Variants in SHTN1 observed in about 807,000 individuals in gnomAD.
The protein encoded by SHTN1 is shootin-1.
In SHTN1, 42 loss-of-function variants were observed where a neutral mutation model predicts 83.1. The observed-to-expected ratio is 0.51, with a 90% CI of 0.39 to 0.65. The LOEUF (loss-of-function observed/expected upper bound fraction) is 0.65, where lower values mean the gene tolerates loss of function less well. Ranked by LOEUF, SHTN1 falls within the 30% of genes least tolerant of loss-of-function variation. SHTN1 has a pLI of 0.00. For synonymous variants in SHTN1, 224 were observed against 247.7 expected (o/e 0.90, Z 0.90); for missense variants, 622 against 737.8 (o/e 0.84, Z 1.82).
At chr10:116,965,456 G>A (rs1206453742) in intron 3 of SHTN1, among the ~76,000 whole-genome samples, 5 of 152,190 alleles carry the variant, frequency 3.3e-5, no homozygotes, top group African/African-American at 4.8e-5. Context: ...GGCGGAGGTC[G>A]CAGCGAGCAG....
chr10:117,083,731 GTTTCT>G (rs2133614048), intron 1 of SHTN1, among the ~76,000 whole-genome samples: 1 of 151,902 alleles, frequency 6.6e-6, no homozygotes, highest in African/African-American at 2.4e-5. Flanking sequence ...GGCTTTGCTC[GTTTCT>G]TTTTATTCTT....
chr10:116,982,711 T>C (rs1851069869), intron 1 of SHTN1, among the ~76,000 whole-genome samples: 1 of 152,086 alleles, frequency 6.6e-6, no homozygotes, highest in Non-Finnish European at 1.5e-5. Context: ...AATCCCAACA[T>C]GTTGGGAGGC....
chr10:116,980,876 A>G (rs577023325), intron 1 of SHTN1, among the ~76,000 whole-genome samples: 6 of 152,330 alleles, frequency 3.9e-5, no homozygotes, highest in South Asian at 2.1e-4. Context: ...ATGAGATTAT[A>G]TCACCAATGT....
intron 1 of SHTN1, among the ~76,000 whole-genome samples, chr10:117,067,352 A>G (rs1455927941): frequency 6.6e-6 from 1 of 152,204 alleles, no homozygotes; most frequent in Non-Finnish European, 1.5e-5. Context: ...GCACTTTGGG[A>G]GGCTAAAGCA....
intron 2 of SHTN1, among the ~76,000 whole-genome samples, chr10:117,034,242 T>C (rs1448593728): frequency 6.6e-6 from 1 of 152,184 alleles, no homozygotes; most frequent in Non-Finnish European, 1.5e-5. Context: ...AGAAGTCAAA[T>C]TGTCCTTGTT....
intron 4 of SHTN1, among the ~76,000 whole-genome samples, chr10:116,956,326 A>G (rs373629851): frequency 1.8e-4 from 27 of 152,330 alleles, no homozygotes; most frequent in Middle Eastern, 3.4e-3. Flanking sequence ...TTTAGTATAC[A>G]ACCCAGCTCT....
intron 2 of SHTN1, among the ~76,000 whole-genome samples, chr10:117,037,147 T>C (rs1852509581): frequency 6.6e-6 from 1 of 152,136 alleles, no homozygotes; most frequent in South Asian, 2.1e-4. Flanking sequence ...TTTAAGACAA[T>C]ATCATTTATA....
chr10:116,951,959 C>A lies in SHTN1; in HGVS notation c.484G>T (p.Ala162Ser), dbSNP rs753870238. Residue 162 changes from alanine (A) to serine (S), a missense_variant, in exon 6 of 17, where the codon GCC becomes TCC. Transcript: ENST00000355371. ...VSVQEEKKIL[A>S]IELENLKSKL... ...CTCTTGAGATTTTCCAGCTCAATGG[C>A]TAAAATCTTCTTTTCCTCCTGAACA... 1.3e-6 allele frequency: 2 copies of A among 1,599,934 alleles called. No homozygotes were observed. The highest frequency in any genetic ancestry group is 2.3e-5 in the South Asian group (2 of 88,202).
In SHTN1 at chr10:117,090,797, G is replaced by A. The variant is rs1045363359; in HGVS notation, c.-189+35510C>T. ...AGGAAGGAAGGAAGGAAGGAAGGAA[G>A]GAAGGAAGGAAGGAAGGAAGGAAAG... On this transcript the variant is annotated intron_variant, in intron 1 of 17. Transcript: ENST00000392901. Among the ~76,000 whole-genome samples, 13 of 115,782 alleles carry A rather than the reference G, an allele frequency of 1.1e-4. No homozygotes were observed. In the East Asian group the frequency reaches 1.2e-3, roughly 11 times the overall value. 76.0% of individuals were successfully genotyped at this position (115,782 alleles called of 152,430 possible). A position where few individuals can be genotyped will look rare whatever the true frequency, so the allele number is the denominator to read the frequency against.
chr10:117,098,268 A>G (rs1412306966), intron 1 of SHTN1, among the ~76,000 whole-genome samples: 4 of 150,396 alleles, frequency 2.7e-5, no homozygotes, highest in Non-Finnish European at 5.9e-5. Context: ...GTAGTGGTGG[A>G]CGCCTGTTGT....
At chr10:117,047,027 C>A (rs1852673240) in intron 2 of SHTN1, among the ~76,000 whole-genome samples, 1 of 151,724 alleles carries the variant, frequency 6.6e-6, no homozygotes, top group South Asian at 2.1e-4. Flanking sequence ...AATGAAAAAA[C>A]AAAAGAGTGA....
intron 1 of SHTN1, among the ~76,000 whole-genome samples, chr10:117,000,802 C>T (rs957064066): frequency 1.3e-5 from 2 of 152,254 alleles, no homozygotes; most frequent in South Asian, 2.1e-4. Context: ...ATGAGATTGG[C>T]CAAACTAGGC....
chr10:117,096,245 A>C (rs1470452864), intron 1 of SHTN1, among the ~76,000 whole-genome samples: 1 of 152,260 alleles, frequency 6.6e-6, no homozygotes, highest in Non-Finnish European at 1.5e-5. Flanking sequence ...TCTCAACTGA[A>C]GGGTTAAAAA....
chr10:116,900,358 A>G (rs1352641065), intron 16 of SHTN1: 1 of 611,060 alleles, frequency 1.6e-6, no homozygotes, highest in Non-Finnish European at 2.9e-6. Flanking sequence ...CCTTTATGGC[A>G]TCTAACAACT....
intron 2 of SHTN1, among the ~76,000 whole-genome samples, chr10:117,015,274 C>G (rs887775251): frequency 1.3e-5 from 2 of 152,158 alleles, no homozygotes; most frequent in African/African-American, 4.8e-5. Flanking sequence ...CTGCTGACAG[C>G]TGAAGGCTTT....
chr10:116,986,715 CCTTTT>C (rs1407005363), intron 1 of SHTN1, among the ~76,000 whole-genome samples: 6 of 115,978 alleles, frequency 5.2e-5, no homozygotes, highest in African/African-American at 1.5e-4. Flanking sequence ...AACCCAGTAT[CCTTTT>C]TTTTTTTTTT....
intron 1 of SHTN1, among the ~76,000 whole-genome samples, chr10:117,087,313 A>C (rs74458575): frequency 0.024 from 3,687 of 152,368 alleles, 135 homozygotes; most frequent in African/African-American, 0.079. Flanking sequence ...TTTAAAATGC[A>C]TAAGGAAAGG....
At chr10:117,049,261 G>C (rs1387079188) in intron 1 of SHTN1, among the ~76,000 whole-genome samples, 2 of 152,078 alleles carry the variant, frequency 1.3e-5, no homozygotes, top group Non-Finnish European at 2.9e-5. Flanking sequence ...AACTGGAATA[G>C]CCTGTAGAGT....
intron 1 of SHTN1, among the ~76,000 whole-genome samples, chr10:117,071,348 C>T (rs558284468): frequency 5.9e-5 from 9 of 151,994 alleles, no homozygotes; most frequent in Non-Finnish European, 1.2e-4. Context: ...TGTTTTCTGG[C>T]CCTATAAATG....
Sources: allele counts gnomAD v4.1 joint callset (sites outside exome capture counted in the v4.1 genomes callset), GRCh38; gene constraint gnomAD v4.1.1; transcripts MANE v1.5; gene names NCBI Gene and HGNC (gene_info 2026-07-23, HGNC 2026-07-21).